Variants in HELZ observed in about 807,000 individuals in gnomAD.
The protein encoded by HELZ is helicase with zinc finger.
In HELZ, 23 loss-of-function variants were observed where a neutral mutation model predicts 218.2. The ratio of observed to expected loss-of-function variants is 0.11; its 90% CI spans 0.08 to 0.15. The LOEUF is 0.15. Ranked by LOEUF, HELZ falls within the 10% of genes least tolerant of loss-of-function variation. The probability of loss-of-function intolerance (pLI) is 1.00; values close to 1 mark genes in which losing one functional copy is unlikely to be tolerated. For missense variants in HELZ, 1,813 were observed against 2,353.7 expected (o/e 0.77, Z 4.75); for synonymous variants, 814 against 829.4 (o/e 0.98, Z 0.32).
At chr17:67,135,839 T>C (rs1475688501) in intron 23 of HELZ, 131 bp downstream of exon 23, 1 of 671,692 alleles carries the variant, frequency 1.5e-6, no homozygotes, top group Non-Finnish European at 2.5e-6. Flanking sequence ...TGCTTTTGTG[T>C]TCCCACTGGA....
In HELZ at chr17:67,188,232, T is replaced by C; in HGVS notation, c.1162+87A>G. The stretch of plus-strand genomic sequence containing the variant: ...TTTCTTTATTACTATTCTCTTCCTA[T>C]CCATGGAATATATTCAGGGGCCAAT... On this transcript the variant is annotated intron_variant, in intron 12 of 32. Transcript: ENST00000358691. This position sits in a 1 kb window ranked among gnomAD's most constrained non-coding sequence, Gnocchi z 4.1. The C allele has an allele frequency of 1.6e-6, 2 of 1,233,964 alleles. No homozygotes were observed. The highest frequency in any genetic ancestry group is 2.3e-5 in the East Asian group (1 of 42,786). 76.4% of individuals were successfully genotyped at this position (1,233,964 alleles called of 1,614,324 possible).
In HELZ at chr17:67,076,761, G is replaced by A. The variant is rs1195751764; in HGVS notation, c.*1491C>T. The A allele has an allele frequency of 2.0e-5, 3 of 152,116 alleles. No homozygotes were observed. Among genetic ancestry groups the A allele is most frequent in the African/African-American group, 7.2e-5 (3 of 41,424 alleles). The allele number at this position is 152,116 out of a possible 1,614,324, so 9.4% of individuals were successfully genotyped here. ...TTTTAAAAATGTACTTTGATTATAG[G>A]ATTGCCTATCGAAAGTGGTCTTCCA... On this transcript the variant is annotated 3_prime_UTR_variant, in exon 33 of 33. Coordinates refer to ENST00000358691, the MANE Select transcript of HELZ (RefSeq NM_014877.4).
At chr17:67,173,717 CCCA>C (rs2039374903) in intron 13 of HELZ, among the ~76,000 whole-genome samples, 1 of 151,998 alleles carries the variant, frequency 6.6e-6, no homozygotes, top group South Asian at 2.1e-4. Flanking sequence ...AAATGTGCAC[CCCA>C]CACTAGACCT....
At chr17:67,132,044 T>C (rs558444063) in intron 23 of HELZ, among the ~76,000 whole-genome samples, 1 of 152,336 alleles carries the variant, frequency 6.6e-6, no homozygotes, top group East Asian at 1.9e-4. Context: ...TTTAGTACTA[T>C]TGGTTTAAAA....
At position 67,107,680 on chromosome 17, in the gene HELZ, T is replaced by C; in HGVS notation, c.4730A>G (p.Gln1577Arg). ...DEVETTYSRF[Q>R]DLIRELSHRD... ...ATGAGACAGTTCTCTGATTAAGTCT[T>C]GAAACCTACATGAAAACAATAAAAT... The change falls in exon 31 of 33, where the codon CAA becomes CGA. Residue 1577 changes from glutamine (Q) to arginine (R), a missense_variant. Transcript: ENST00000358691. The C allele has an allele frequency of 1.2e-6, 2 of 1,608,750 alleles. No individual in the cohort carries two copies. The highest frequency in any genetic ancestry group is 1.7e-6 in the Non-Finnish European group (2 of 1,177,844).
intron 3 of HELZ, among the ~76,000 whole-genome samples, chr17:67,226,126 G>A (rs1370329452): frequency 6.6e-6 from 1 of 151,860 alleles, no homozygotes. Context: ...TGGGTGTGGT[G>A]GCGTGCACCT....
chr17:67,167,401 A>G (rs2039176169), intron 14 of HELZ, 62 bp downstream of exon 14: 7 of 1,214,060 alleles, frequency 5.8e-6, no homozygotes, highest in Admixed American at 4.2e-5. Context: ...AACCAGAGGA[A>G]GACTACGAGC....
chr17:67,200,107 G>A (rs559747193), intron 7 of HELZ, among the ~76,000 whole-genome samples: 252 of 152,270 alleles, frequency 1.7e-3, no homozygotes, highest in African/African-American at 5.8e-3. Flanking sequence ...AACAAGCATA[G>A]TACCTAGCAC....
At chr17:67,240,227 T>A (rs941408176) in intron 2 of HELZ, among the ~76,000 whole-genome samples, 7 of 152,174 alleles carry the variant, frequency 4.6e-5, no homozygotes, top group Non-Finnish European at 7.4e-5. Flanking sequence ...CTGCACAACA[T>A]CCAAACTCTG....
At chr17:67,194,652 G>T (rs1012598761) in intron 8 of HELZ, among the ~76,000 whole-genome samples, 2 of 152,118 alleles carry the variant, frequency 1.3e-5, no homozygotes, top group Non-Finnish European at 1.5e-5. Context: ...TTGGATAGGA[G>T]TTTCCAAATA....
intron 27 of HELZ, among the ~76,000 whole-genome samples, chr17:67,115,646 G>C (rs2037403642): frequency 6.6e-6 from 1 of 151,886 alleles, no homozygotes; most frequent in African/African-American, 2.4e-5. Context: ...GTGAGAAAAT[G>C]GTAGAACAAC....
At chr17:67,228,261 C>T (rs16960725) in intron 3 of HELZ, among the ~76,000 whole-genome samples, 46,172 of 152,048 alleles carry the variant, frequency 0.3, 7,996 homozygotes, top group East Asian at 0.69. Context: ...ATAAAATGCA[C>T]GTTTCATTAT....
Position 67,190,313 on chromosome 17 carries a change from A to C in HELZ, c.600T>G (p.Thr200=). The change falls in exon 10 of 33, where the codon ACT becomes ACG. Residue 200 remains threonine, a synonymous_variant. Coordinates refer to ENST00000358691, the MANE Select transcript of HELZ (RefSeq NM_014877.4). ...CTAGTTCTTCCTGGGAATGTGCTGAAGTACACTGGGCACCATACCTACAGA... is the reference window on the plus strand; with the variant it reads ...CTAGTTCTTCCTGGGAATGTGCTGACGTACACTGGGCACCATACCTACAGA... ...QGICRYGAQC[T]SAHSQEELAE... The C allele has an allele frequency of 6.2e-7, 1 of 1,614,050 alleles. No individual in the cohort carries two copies. Among genetic ancestry groups the C allele is most frequent in the East Asian group, 2.2e-5 (1 of 44,874 alleles).
chr17:67,193,697 T>C lies in HELZ; in HGVS notation c.557+270A>G, dbSNP rs146459927. Among the ~76,000 whole-genome samples, 269 of 152,150 alleles carry C rather than the reference T, an allele frequency of 1.8e-3. 1 individual carries two copies. The highest frequency in any genetic ancestry group is 6.1e-3 in the African/African-American group (252 of 41,538). ...TGCCACTGCATTCTAGCCTGGGCAATAGGGCGAGACTCCATCTCAAAAAAA... is the reference window on the plus strand; with the variant it reads ...TGCCACTGCATTCTAGCCTGGGCAACAGGGCGAGACTCCATCTCAAAAAAA... On this transcript the variant is annotated intron_variant, in intron 9 of 32. Coordinates refer to ENST00000358691, the MANE Select transcript of HELZ (RefSeq NM_014877.4).
rs1472648096 is a variant in HELZ, at chr17:67,077,204, T to G, written c.*1048A>C. 1.3e-5 allele frequency: 2 copies of G among 152,594 alleles called. No homozygotes were observed. Among genetic ancestry groups the G allele is most frequent in the Non-Finnish European group, 2.9e-5 (2 of 68,018 alleles). 9.5% of individuals were successfully genotyped at this position (152,594 alleles called of 1,614,324 possible). A position where few individuals can be genotyped will look rare whatever the true frequency, so the allele number is the denominator to read the frequency against. On this transcript the variant is annotated 3_prime_UTR_variant, in exon 33 of 33. Coordinates refer to ENST00000358691, the MANE Select transcript of HELZ (RefSeq NM_014877.4). ...TATATTTCTTCTTTAATGGTGTTCC[T>G]CAAACAAGACAGCTAGCAAAATATT...
chr17:67,184,452 C>A (rs182212483), intron 12 of HELZ, among the ~76,000 whole-genome samples: 154 of 152,124 alleles, frequency 1.0e-3, no homozygotes, highest in African/African-American at 3.7e-3. Flanking sequence ...AACACCCAAT[C>A]AAGTGGAAGA....
At chr17:67,197,586 T>A (rs1339545003) in intron 7 of HELZ, among the ~76,000 whole-genome samples, 3 of 152,174 alleles carry the variant, frequency 2.0e-5, no homozygotes, top group Non-Finnish European at 4.4e-5. Context: ...TTCATGGACA[T>A]CTCAGCTTTC....
chr17:67,072,640 A>T lies in HELZ; in HGVS notation c.*5612T>A. 1 of 152,270 alleles carries T rather than the reference A, an allele frequency of 6.6e-6. No individual in the cohort carries two copies. The highest frequency in any genetic ancestry group is 2.1e-4 in the South Asian group (1 of 4,826). The allele number at this position is 152,270 out of a possible 1,614,324, so 9.4% of individuals were successfully genotyped here. A position where few individuals can be genotyped will look rare whatever the true frequency, so the allele number is the denominator to read the frequency against. On this transcript the variant is annotated 3_prime_UTR_variant, in exon 33 of 33. Coordinates refer to ENST00000358691, the MANE Select transcript of HELZ (RefSeq NM_014877.4). ...CTCCTTCACCCTACTGCGGAAGAGC[A>T]GTGCAGACCCCAGCAGGGGTGAGAG...
intron 15 of HELZ, among the ~76,000 whole-genome samples, chr17:67,164,459 G>A (rs902411315): frequency 6.6e-6 from 1 of 152,126 alleles, no homozygotes; most frequent in African/African-American, 2.4e-5. Context: ...CTGCAGGAAG[G>A]GGGAAATGAG....
Sources: gnomAD v4.1 joint callset for allele counts (sites outside exome capture counted in the v4.1 genomes callset) on GRCh38, gnomAD v4.1.1 for gene constraint, Gnocchi (gnomAD v3.1) non-coding constraint, MANE v1.5 for transcripts, NCBI Gene and HGNC (gene_info 2026-07-23, HGNC 2026-07-21) for gene names.